ADRA1B: variants seen among roughly 807,000 people sequenced by gnomAD.
ADRA1B encodes the protein adrenoceptor alpha 1B.
A neutral mutation model predicts 17.9 loss-of-function variants in ADRA1B; 17 were observed. The observed-to-expected ratio is 0.95, with a 90% CI of 0.65 to 1.42. The LOEUF is 1.42. ADRA1B is among the 40% of genes most tolerant of loss of function. The pLI is 0.00. For missense variants in ADRA1B, 681 were observed against 722.1 expected, an observed-to-expected ratio of 0.94 and a Z score of 0.65; for synonymous variants, 366 against 327.6, an observed-to-expected ratio of 1.12 and a Z score of -1.27.
Position 159,951,108 on chromosome 5 carries a change from C to T in ADRA1B, c.950-20771C>T, listed in dbSNP as rs1187529893. 23 of 741,158 alleles carry T rather than the reference C, an allele frequency of 3.1e-5. 1 individual carries two copies. Among genetic ancestry groups the T allele is most frequent in the African/African-American group, 8.5e-5 (5 of 58,480 alleles). 45.9% of individuals were successfully genotyped at this position (741,158 alleles called of 1,614,324 possible). A position where few individuals can be genotyped will look rare whatever the true frequency, so the allele number is the denominator to read the frequency against. On this transcript the variant is annotated intron_variant, in intron 1 of 1. Transcript: ENST00000306675. The stretch of plus-strand genomic sequence containing the variant: ...TACTTCTTGTGGTTCATGCCCATCA[C>T]GAACATGGGGGCATCAGCAGAGGGG...
chr5:159,937,338 G>A (rs1408592107), intron 1 of ADRA1B, among the ~76,000 whole-genome samples: 1 of 152,194 alleles, frequency 6.6e-6, no homozygotes, highest in African/African-American at 2.4e-5. Context: ...CACAGCTTAG[G>A]GAGTTTAAAC....
At chr5:159,928,477 G>C (rs943561377) in intron 1 of ADRA1B, among the ~76,000 whole-genome samples, 6 of 152,176 alleles carry the variant, frequency 3.9e-5, no homozygotes, top group African/African-American at 1.4e-4. Context: ...GCACCAACGA[G>C]CAGTTCAGTT....
At chr5:159,973,881 C>T (rs2113303243), downstream of ADRA1B, among the ~76,000 whole-genome samples, 1 of 152,282 alleles carries the variant, frequency 6.6e-6, no homozygotes, top group African/African-American at 2.4e-5. Context: ...ATAAAGGACA[C>T]TGAGCAAAAT....
At chr5:159,922,546 C>A (rs945447639) in intron 1 of ADRA1B, among the ~76,000 whole-genome samples, 1 of 152,186 alleles carries the variant, frequency 6.6e-6, no homozygotes, top group South Asian at 2.1e-4. Flanking sequence ...CCACTGCCTG[C>A]TCACTTCTGA....
chr5:159,979,239 A>G, the ADRA1B span, among the ~76,000 whole-genome samples: 1 of 152,236 alleles, frequency 6.6e-6, no homozygotes, highest in Non-Finnish European at 1.5e-5. Context: ...AAGTATTAGA[A>G]CCATAGAATC....
rs112950363 is a variant in ADRA1B at position 159,928,782 on chromosome 5, C to T, written c.949+10928C>T. 5.8e-3 allele frequency among the ~76,000 whole-genome samples: 881 copies of T among 152,300 alleles called. 10 individuals carry two copies. The highest frequency in any genetic ancestry group is 0.02 in the African/African-American group (827 of 41,564). ...AGGGCAAGCCGGGCTCACTGTCATT[C>T]GCAGGCGTCAGCCCCAGGGCTCACA... On this transcript the variant is annotated intron_variant, in intron 1 of 1. Coordinates refer to ENST00000306675, the MANE Select transcript of ADRA1B (RefSeq NM_000679.4).
intron 1 of ADRA1B, among the ~76,000 whole-genome samples, chr5:159,939,436 G>T (rs1161784766): frequency 6.6e-6 from 1 of 151,988 alleles, no homozygotes; most frequent in African/African-American, 2.4e-5. Context: ...TGCTCAAGCT[G>T]GTACCCTGCT....
Position 159,917,216 on chromosome 5 carries a change from C to T in ADRA1B, c.311C>T (p.Ala104Val), listed in dbSNP as rs1169275578. 6.2e-7 allele frequency: 1 copy of T among 1,614,052 alleles called. No individual in the cohort carries two copies. Among genetic ancestry groups the T allele is most frequent in the African/African-American group, 1.3e-5 (1 of 74,934 alleles). The change falls in exon 1 of 2, where the codon GCC becomes GTC. Residue 104 changes from alanine (A) to valine (V), a missense_variant. Transcript: ENST00000306675. ...LSFTVLPFSA[A>V]LEVLGYWVLG... ...TTCACCGTCCTGCCCTTCTCAGCGGCCCTAGAGGTGCTCGGCTACTGGGTG... is the reference window on the plus strand; with the variant it reads ...TTCACCGTCCTGCCCTTCTCAGCGGTCCTAGAGGTGCTCGGCTACTGGGTG...
At chr5:159,971,856 G>GGGGGC in intron 1 of ADRA1B, 23 bp from the exon 2 acceptor site, 1 of 1,306,260 alleles carries the variant, frequency 7.7e-7, no homozygotes, top group Non-Finnish European at 9.8e-7. Flanking sequence ...TTCTGCCCGT[G>GGGGGC]CCCACCCCCC....
In ADRA1B at chr5:159,939,817, C is replaced by G. The variant is rs572619475; in HGVS notation, c.949+21963C>G. The stretch of plus-strand genomic sequence containing the variant: ...CAAGCCTTTGCCAGTGCAATTCCCT[C>G]TGCCTGTAACACCCTTCCTTCTCTC... On this transcript the variant is annotated intron_variant, in intron 1 of 1. Transcript: ENST00000306675. Among the ~76,000 whole-genome samples, 4 of 152,330 alleles carry G rather than the reference C, an allele frequency of 2.6e-5. No individual in the cohort carries two copies. The East Asian group carries it at 7.7e-4, about 29-fold the overall frequency.
intron 1 of ADRA1B, among the ~76,000 whole-genome samples, chr5:159,926,350 A>G (rs1049316279): frequency 3.9e-5 from 6 of 151,988 alleles, no homozygotes; most frequent in Non-Finnish European, 7.4e-5. Context: ...GGTGCTTGTC[A>G]TGTTTCTCTC....
intron 1 of ADRA1B, among the ~76,000 whole-genome samples, chr5:159,897,520 G>A (rs1178960658): frequency 2.6e-5 from 4 of 151,800 alleles, no homozygotes; most frequent in Non-Finnish European, 2.9e-5. Flanking sequence ...GTCCCTCAAA[G>A]CAGGTAGCCA....
At chr5:159,899,276 AAGGAAGGAAGG>A (rs1561585300) in intron 1 of ADRA1B, among the ~76,000 whole-genome samples, 29 of 103,762 alleles carry the variant, frequency 2.8e-4, no homozygotes, top group Non-Finnish European at 4.9e-4. Flanking sequence ...GGAAGGAAGG[AAGGAAGGAAGG>A]AAGGAAGGAA....
intron 1 of ADRA1B, among the ~76,000 whole-genome samples, chr5:159,878,546 C>T (rs1231797806): frequency 6.6e-6 from 1 of 152,178 alleles, no homozygotes; most frequent in East Asian, 1.9e-4. Flanking sequence ...ACCTCATTTC[C>T]CCCAGGTAGC....
chr5:159,986,104 TAGAC>T, the ADRA1B span, among the ~76,000 whole-genome samples: 11 of 152,328 alleles, frequency 7.2e-5, no homozygotes, highest in African/African-American at 2.6e-4. Flanking sequence ...TGAGGACTAA[TAGAC>T]AGATTTTCTT....
chr5:159,867,525 G>T (rs959616113), intron 1 of ADRA1B, among the ~76,000 whole-genome samples: 2 of 151,896 alleles, frequency 1.3e-5, no homozygotes, highest in Non-Finnish European at 2.9e-5. Flanking sequence ...CTTCACTCAG[G>T]TACAGCTATA....
At chr5:159,939,300 TGTGTGTGTGTGTGTGTGTGTGTGCGC>T (rs1424583454) in intron 1 of ADRA1B, among the ~76,000 whole-genome samples, 1 of 142,918 alleles carries the variant, frequency 7.0e-6, no homozygotes, top group African/African-American at 2.5e-5. Context: ...TGTGTGTGTG[TGTGTGTGTGTGTGTGTGTGTGTGCGC>T]GCGCGCGCGC....
chr5:159,972,028 T>TGCCGCG lies in ADRA1B; in HGVS notation c.1111_1116dup (p.Gly371_Arg372dup), dbSNP rs762411639. 6.4e-5 allele frequency: 85 copies of TGCCGCG among 1,325,628 alleles called. No individual in the cohort carries two copies. The highest frequency in any genetic ancestry group is 2.0e-4 in the Admixed American group (7 of 35,850). The allele number at this position is 1,325,628 out of a possible 1,614,324, so 82.1% of individuals were successfully genotyped here. The stretch of plus-strand genomic sequence containing the variant: ...TTTCGTGCGCATCCTCGGGTGCCAG[T>TGCCGCG]GCCGCGGCCGCGGCCGCCGCCGACG... On this transcript the variant is annotated inframe_insertion, in exon 2 of 2. Transcript: ENST00000306675.
rs574654916 is a variant in ADRA1B, at chr5:159,970,397, C to T, written c.950-1482C>T. Among the ~76,000 whole-genome samples the T allele has an allele frequency of 3.9e-5, 6 of 152,266 alleles. No individual in the cohort carries two copies. The East Asian group carries it at 9.7e-4, about 25-fold the overall frequency. On this transcript the variant is annotated intron_variant, in intron 1 of 1. Coordinates refer to ENST00000306675, the MANE Select transcript of ADRA1B (RefSeq NM_000679.4). ...GAACCATGTATTTCAGATCTTTCCA[C>T]GTGGTCATGCAGACATGTCACCCTG...
Sources: gnomAD v4.1 joint callset for allele counts (sites outside exome capture counted in the v4.1 genomes callset) on GRCh38, gnomAD v4.1.1 for gene constraint, MANE v1.5 for transcripts, NCBI Gene and HGNC (gene_info 2026-07-23, HGNC 2026-07-21) for gene names.